MYH3: variants seen among roughly 807,000 people sequenced by gnomAD.
MYH3 encodes myosin-3.
Under a neutral mutation model 238.0 loss-of-function variants are expected in MYH3, and 130 were observed. The ratio of observed to expected loss-of-function variants is 0.55; its 90% CI spans 0.47 to 0.63. MYH3 has a LOEUF of 0.63. MYH3 is among the 30% of genes least tolerant of loss of function. The pLI is 0.00. For missense variants in MYH3, 1,853 were observed against 2,374.9 expected (o/e 0.78, Z 4.57); for synonymous variants, 880 against 924.1 (o/e 0.95, Z 0.86).
rs1489090477 is a variant in MYH3, at chr17:10,640,246, G to T, written c.2432C>A (p.Ser811Tyr). Residue 811 changes from serine (S) to tyrosine (Y), a missense_variant, in exon 22 of 41, where the codon TCC becomes TAC. Coordinates refer to ENST00000583535, the MANE Select transcript of MYH3 (RefSeq NM_002470.4). ...AATGTTGTACTGGATGCAGAAGATG[G>T]ACTCCCTAAAAACAAGACATTGCTT... ...EFQKMVQRRE[S>Y]IFCIQYNIRS... 1 of 1,614,180 alleles carries T rather than the reference G, an allele frequency of 6.2e-7. No individual in the cohort carries two copies. Among genetic ancestry groups the T allele is most frequent in the Non-Finnish European group, 8.5e-7 (1 of 1,180,038 alleles).
chr17:10,666,286 A>G, the MYH3 span, among the ~76,000 whole-genome samples: 1 of 152,346 alleles, frequency 6.6e-6, no homozygotes, highest in South Asian at 2.1e-4. Flanking sequence ...AATAGAGCCA[A>G]AAGACATGAC....
At chr17:10,636,760 A>G (rs2074219653) in intron 28 of MYH3, among the ~76,000 whole-genome samples, 1 of 152,004 alleles carries the variant, frequency 6.6e-6, no homozygotes, top group African/African-American at 2.4e-5. Context: ...CTAAAAATAC[A>G]AAAATTAGCC....
At chr17:10,657,128 G>T (rs543928575) in intron 1 of MYH3, among the ~76,000 whole-genome samples, 161 bp downstream of exon 1, 2 of 152,034 alleles carry the variant, frequency 1.3e-5, no homozygotes, top group Non-Finnish European at 2.9e-5. Flanking sequence ...AGGGAACCTC[G>T]CTCTCTACAC....
intron 12 of MYH3, 126 bp from the exon 13 acceptor site, chr17:10,644,828 T>C (rs2142408960): frequency 1.3e-6 from 1 of 764,434 alleles, no homozygotes; most frequent in African/African-American, 1.7e-5. Context: ...AAACTGCATA[T>C]ACATGGCCAA....
chr17:10,630,101 C>A lies in MYH3; in HGVS notation c.5553G>T (p.Leu1851=). Reference sequence around the variant, plus strand: ...TTTGCGTTCCACTTACCTGGTACGTCAGCTCCTTGACCCTCCGCTCATACT... The same window carrying A: ...TTTGCGTTCCACTTACCTGGTACGTAAGCTCCTTGACCCTCCGCTCATACT... The part of the protein sequence containing the change: ...LRKYERRVKE[L]TYQSEEDRKN... Residue 1851 remains leucine, a synonymous_variant, in exon 38 of 41, where the codon CTG becomes CTT. Transcript: ENST00000583535. 1 of 1,614,132 alleles carries A rather than the reference C, an allele frequency of 6.2e-7. No individual in the cohort carries two copies. Among genetic ancestry groups the A allele is most frequent in the Non-Finnish European group, 8.5e-7 (1 of 1,179,964 alleles).
At chr17:10,651,747 G>GTTTT (rs370073463) in intron 4 of MYH3, 79 bp from the exon 5 acceptor site, 240 of 744,796 alleles carry the variant, frequency 3.2e-4, no homozygotes, top group South Asian at 1.2e-3. Context: ...TATTATTATT[G>GTTTT]TTTTTTTTTT....
At chr17:10,666,934 G>C in the MYH3 span, among the ~76,000 whole-genome samples, 3 of 152,114 alleles carry the variant, frequency 2.0e-5, no homozygotes, top group Middle Eastern at 3.2e-3. Flanking sequence ...CAAGCAGACG[G>C]TTTATAGAAA....
chr17:10,648,242 C>T (rs1312850552), intron 8 of MYH3, among the ~76,000 whole-genome samples: 1 of 152,094 alleles, frequency 6.6e-6, no homozygotes, highest in Non-Finnish European at 1.5e-5. Flanking sequence ...TGCCCTGGCC[C>T]TTCCTTCGTT....
chr17:10,664,154 A>G, the MYH3 span, among the ~76,000 whole-genome samples: 1 of 151,986 alleles, frequency 6.6e-6, no homozygotes, highest in South Asian at 2.1e-4. Flanking sequence ...TGCTTTCAAG[A>G]AGGTTATGTA....
chr17:10,653,766 G>C (rs1033805710), intron 3 of MYH3, among the ~76,000 whole-genome samples: 2 of 152,152 alleles, frequency 1.3e-5, no homozygotes, highest in African/African-American at 4.8e-5. Flanking sequence ...CTTCAAGCAG[G>C]GATTCATTCA....
Position 10,644,732 on chromosome 17 carries a change from A to C in MYH3, c.1142-30T>G, listed in dbSNP as rs185987725. On this transcript the variant is annotated intron_variant, in intron 12 of 40. Coordinates refer to ENST00000583535, the MANE Select transcript of MYH3 (RefSeq NM_002470.4). ...CAAGAAAACAAGGACAGTGCTTAGA[A>C]AAGTAGAAGAGCTGCTTTGAAAATC... The C allele has an allele frequency of 5.0e-5, 76 of 1,519,512 alleles. No homozygotes were observed. In the African/African-American group the frequency reaches 8.9e-4, roughly 18 times the overall value. The allele number at this position is 1,519,512 out of a possible 1,614,324, so 94.1% of individuals were successfully genotyped here.
At chr17:10,675,746 A>C in the MYH3 span, 4 of 152,150 alleles carry the variant, frequency 2.6e-5, no homozygotes, top group African/African-American at 9.7e-5. Context: ...AAGAAAAAAA[A>C]CACCCAACAA....
In MYH3 at chr17:10,640,643, T is replaced by C; in HGVS notation, c.2209A>G (p.Ile737Val). Residue 737 changes from isoleucine to valine, a missense_variant, in exon 20 of 41, where the codon ATT becomes GTT. Physicochemically the swap from Ile to Val is conservative, Grantham distance 29. Around this residue, in one of 3 missense-constraint regions of MYH3, gnomAD observed 678 missense variants for 1,058.9 expected, o/e 0.64. Coordinates refer to ENST00000583535, the MANE Select transcript of MYH3 (RefSeq NM_002470.4). ...NASAIPEGQFIDSKKACEKLL... is the reference protein window; with the variant it reads ...NASAIPEGQFVDSKKACEKLL... The stretch of plus-strand genomic sequence containing the variant: ...TTTTCACAGGCTTTCTTGCTGTCAA[T>C]GAATTGTCCCTCAGGGATTGCACTG... 1 of 1,614,220 alleles carries C rather than the reference T, an allele frequency of 6.2e-7. No homozygotes were observed. The highest frequency in any genetic ancestry group is 8.5e-7 in the Non-Finnish European group (1 of 1,180,016).
chr17:10,645,318 G>A (rs1320337899), intron 12 of MYH3, among the ~76,000 whole-genome samples: 18 of 151,950 alleles, frequency 1.2e-4, no homozygotes, highest in Admixed American at 1.2e-3. Flanking sequence ...TGTAATCCCA[G>A]CTACTCGGGA....
chr17:10,657,596 G>C (rs781677172), upstream of MYH3, among the ~76,000 whole-genome samples: 1 of 152,142 alleles, frequency 6.6e-6, no homozygotes, highest in Non-Finnish European at 1.5e-5. Flanking sequence ...GAGGAGTTGC[G>C]GGGGCAGCCA....
At chr17:10,664,986 G>A in the MYH3 span, among the ~76,000 whole-genome samples, 3 of 152,076 alleles carry the variant, frequency 2.0e-5, no homozygotes, top group African/African-American at 4.8e-5. Flanking sequence ...GGCATGGAAG[G>A]GAAAGATCAA....
rs1597488212 is a variant in MYH3, at chr17:10,642,824, A to G, written c.1581+2T>C. On this transcript the variant is annotated splice_donor_variant, in intron 15 of 40. Transcript: ENST00000583535. LOFTEE classifies it high-confidence loss of function. This position sits in a 1 kb window ranked among gnomAD's most constrained non-coding sequence, Gnocchi z 5.4. ...GCTTACGGTGGGGATGGAACTGGAT[A>G]CCTTCTCGATGAGCTCGATGCAGGC... 1 of 1,614,002 alleles carries G rather than the reference A, an allele frequency of 6.2e-7. No homozygotes were observed. The highest frequency in any genetic ancestry group is 1.3e-5 in the African/African-American group (1 of 74,906).
intron 28 of MYH3, among the ~76,000 whole-genome samples, chr17:10,636,357 A>T (rs1191420558): frequency 2.6e-5 from 4 of 152,128 alleles, no homozygotes; most frequent in Non-Finnish European, 5.9e-5. Context: ...CTGTCAAAAA[A>T]AAAATCCATT....
intron 17 of MYH3, 96 bp from the exon 18 acceptor site, chr17:10,641,468 A>G (rs1567557286): frequency 1.1e-6 from 1 of 939,948 alleles, no homozygotes; most frequent in South Asian, 1.4e-5. Flanking sequence ...TTTAAAATTT[A>G]TCATAAGTTC....
Sources: gnomAD v4.1 joint callset for allele counts (sites outside exome capture counted in the v4.1 genomes callset) on GRCh38, gnomAD v4.1.1 for gene constraint, gnomAD v4.1.1 regional missense constraint, Gnocchi (gnomAD v3.1) non-coding constraint, MANE v1.5 for transcripts, NCBI Gene and HGNC (gene_info 2026-07-23, HGNC 2026-07-21) for gene names.